The following CFAP54 variants were observed in gnomAD, a reference collection of about 807,000 sequenced individuals.
CFAP54 encodes the protein cilia- and flagella-associated protein 54.
Under a neutral mutation model 370.4 loss-of-function variants are expected in CFAP54, and 290 were observed. That is an observed-to-expected ratio of 0.78 (90% CI 0.71 to 0.86). The LOEUF is 0.86. Ranked by LOEUF, CFAP54 falls within the 40% of genes least tolerant of loss-of-function variation. The probability of loss-of-function intolerance (pLI) is 0.00; values close to 1 mark genes in which losing one functional copy is unlikely to be tolerated. For missense variants in CFAP54, 3,399 were observed against 3,528.7 expected, an observed-to-expected ratio of 0.96 and a Z score of 0.93; for synonymous variants, 1,206 against 1,236.5, an observed-to-expected ratio of 0.98 and a Z score of 0.52.
At chr12:96,587,996 G>A (rs1012508270) in intron 22 of CFAP54, among the ~76,000 whole-genome samples, 9 of 152,226 alleles carry the variant, frequency 5.9e-5, no homozygotes, top group Middle Eastern at 3.4e-3. Flanking sequence ...AGCTCACTTC[G>A]TAGAACTTTG....
intron 26 of CFAP54, among the ~76,000 whole-genome samples, chr12:96,600,718 G>C (rs538583484): frequency 6.6e-6 from 1 of 152,086 alleles, no homozygotes; most frequent in East Asian, 1.9e-4. Flanking sequence ...TCTCTTTGTA[G>C]CATTTGTGAA....
intron 62 of CFAP54, among the ~76,000 whole-genome samples, chr12:96,790,197 T>C (rs528226552): frequency 1.3e-5 from 2 of 152,272 alleles, no homozygotes; most frequent in African/African-American, 4.8e-5. Flanking sequence ...TAATGCTGAG[T>C]TATTCATGCT....
At chr12:96,822,624 A>G (rs1234266768) in intron 65 of CFAP54, among the ~76,000 whole-genome samples, 2 of 152,160 alleles carry the variant, frequency 1.3e-5, no homozygotes, top group Non-Finnish European at 2.9e-5. Context: ...TGTCATTCCT[A>G]ATGAGCCCAG....
In CFAP54 at chr12:96,489,598, G is replaced by C. The variant is rs1954852616; in HGVS notation, c.-12G>C. 4.6e-6 allele frequency: 7 copies of C among 1,508,126 alleles called. No individual in the cohort carries two copies. The highest frequency in any genetic ancestry group is 1.2e-5 in the South Asian group (1 of 81,884). The allele number at this position is 1,508,126 out of a possible 1,614,324, so 93.4% of individuals were successfully genotyped here. The stretch of plus-strand genomic sequence containing the variant: ...GTGTACACATACTCCAGGCGGGCCG[G>C]GGCGCGTCAATATGGCGGCGCAGGG... On this transcript the variant is annotated 5_prime_UTR_variant, in exon 1 of 68. Transcript: ENST00000524981.
intron 19 of CFAP54, among the ~76,000 whole-genome samples, chr12:96,570,139 C>T (rs1000014607): frequency 1.3e-5 from 2 of 151,806 alleles, no homozygotes; most frequent in Admixed American, 1.3e-4. Context: ...CCATGCCTGG[C>T]TGTTTGTATT....
intron 9 of CFAP54, among the ~76,000 whole-genome samples, chr12:96,532,874 G>A (rs1237114179): frequency 6.6e-6 from 1 of 152,106 alleles, no homozygotes; most frequent in African/African-American, 2.4e-5. Context: ...ACCTGCCTTG[G>A]CCTCCCAAAG....
chr12:96,598,210 G>C (rs1002047360), intron 25 of CFAP54, among the ~76,000 whole-genome samples: 1 of 151,896 alleles, frequency 6.6e-6, no homozygotes, highest in South Asian at 2.1e-4. Context: ...TGAATGTTTG[G>C]TTTTAATTTT....
intron 67 of CFAP54, among the ~76,000 whole-genome samples, chr12:96,871,159 A>G (rs574578477): frequency 6.6e-6 from 1 of 152,258 alleles, no homozygotes; most frequent in East Asian, 1.9e-4. Flanking sequence ...ACACATGGAC[A>G]TGATGAGACT....
intron 14 of CFAP54, among the ~76,000 whole-genome samples, chr12:96,544,530 C>T (rs979770473): frequency 6.6e-6 from 1 of 151,954 alleles, no homozygotes; most frequent in Non-Finnish European, 1.5e-5. Context: ...TCTTCTCCTG[C>T]CTCTCTGTCT....
intron 65 of CFAP54, among the ~76,000 whole-genome samples, chr12:96,827,110 A>T (rs372362857): frequency 0.11 from 8,003 of 69,710 alleles, 290 homozygotes; most frequent in East Asian, 0.2. Flanking sequence ...ATTATATGTG[A>T]TTATATATAA....
At chr12:96,868,461 C>G (rs1960064896) in intron 67 of CFAP54, among the ~76,000 whole-genome samples, 1 of 148,838 alleles carries the variant, frequency 6.7e-6, no homozygotes, top group African/African-American at 2.5e-5. Context: ...TTCCAAGATC[C>G]CTCAATAACA....
chr12:96,648,052 C>A, intron 34 of CFAP54, 35 bp downstream of exon 34: 1 of 1,447,372 alleles, frequency 6.9e-7, no homozygotes, highest in South Asian at 1.4e-5. Context: ...ATTAAATTAC[C>A]TCTAGATTTT....
At chr12:96,720,278 A>G in intron 49 of CFAP54, 127 bp from the exon 50 acceptor site, 1 of 795,552 alleles carries the variant, frequency 1.3e-6, no homozygotes, top group Non-Finnish European at 1.7e-6. Flanking sequence ...GTAATTAGAT[A>G]CCAAGTTCCT....
intron 40 of CFAP54, among the ~76,000 whole-genome samples, chr12:96,683,995 T>C (rs987819596): frequency 6.6e-6 from 1 of 152,208 alleles, no homozygotes; most frequent in African/African-American, 2.4e-5. Context: ...TTTCACCATG[T>C]TGACCAGGCT....
At chr12:96,725,584 G>A (rs1429229195) in intron 50 of CFAP54, among the ~76,000 whole-genome samples, 4 of 152,142 alleles carry the variant, frequency 2.6e-5, no homozygotes, top group African/African-American at 9.7e-5. Flanking sequence ...GGGCTGAGAC[G>A]ATGGGTTTTC....
intron 66 of CFAP54, among the ~76,000 whole-genome samples, chr12:96,845,756 G>A (rs1384026150): frequency 1.3e-5 from 2 of 152,182 alleles, no homozygotes; most frequent in East Asian, 1.9e-4. Context: ...GTCAGAGTCG[G>A]CTTCCCAACA....
chr12:96,804,458 G>A (rs1244673306), intron 63 of CFAP54, among the ~76,000 whole-genome samples: 1 of 152,142 alleles, frequency 6.6e-6, no homozygotes, highest in Admixed American at 6.6e-5. Flanking sequence ...GAAATCAGTA[G>A]CATTTCTATA....
chr12:96,578,961 T>G (rs181181301), intron 20 of CFAP54, among the ~76,000 whole-genome samples: 553 of 152,304 alleles, frequency 3.6e-3, no homozygotes, highest in Non-Finnish European at 5.6e-3. Context: ...TAAACTGATA[T>G]GTCTTCATCT....
Position 96,825,456 on chromosome 12 carries a change from T to TA in CFAP54, c.9097-3556dup, listed in dbSNP as rs1422570293. Among the ~76,000 whole-genome samples, 7 of 116,540 alleles carry TA rather than the reference T, an allele frequency of 6.0e-5. No individual in the cohort carries two copies. In the East Asian group the frequency reaches 1.2e-3, roughly 19 times the overall value. 76.5% of individuals were successfully genotyped at this position (116,540 alleles called of 152,430 possible). A position where few individuals can be genotyped will look rare whatever the true frequency, so the allele number is the denominator to read the frequency against. ...TATATAATATATGTTATATTATATA[T>TA]AATATAATATATTATATATATTATA... On this transcript the variant is annotated intron_variant, in intron 65 of 67. Transcript: ENST00000524981.
Sources: allele counts gnomAD v4.1 joint callset (sites outside exome capture counted in the v4.1 genomes callset), GRCh38; gene constraint gnomAD v4.1.1; transcripts MANE v1.5; gene names NCBI Gene and HGNC (gene_info 2026-07-23, HGNC 2026-07-21).